NCAM2: variants seen among roughly 807,000 people sequenced by gnomAD.
The protein encoded by NCAM2 is neural cell adhesion molecule 2, also known as N-CAM-2.
Under a neutral mutation model 98.1 loss-of-function variants are expected in NCAM2, and 30 were observed. The ratio of observed to expected loss-of-function variants is 0.31; its 90% CI spans 0.23 to 0.41. The LOEUF (loss-of-function observed/expected upper bound fraction) is 0.41, where lower values mean the gene tolerates loss of function less well. Among genes scored for constraint, NCAM2 ranks in the 10% least tolerant of loss-of-function variants. The probability of loss-of-function intolerance (pLI) is 1.00; values close to 1 mark genes in which losing one functional copy is unlikely to be tolerated. For synonymous variants in NCAM2, 368 were observed against 342.4 expected, an observed-to-expected ratio of 1.07 and a Z score of -0.83; for missense variants, 867 against 1,005.8, an observed-to-expected ratio of 0.86 and a Z score of 1.87.
chr21:21,179,658 A>G (rs948963591), intron 1 of NCAM2, among the ~76,000 whole-genome samples: 1 of 152,210 alleles, frequency 6.6e-6, no homozygotes, highest in Admixed American at 6.5e-5. Flanking sequence ...AAATATATTT[A>G]CTTCCTTATA....
chr21:21,254,951 G>A (rs1601778287), intron 1 of NCAM2, among the ~76,000 whole-genome samples: 1 of 3,120 alleles, frequency 3.2e-4, no homozygotes, highest in Non-Finnish European at 4.7e-3. Context: ...GCATATCTAT[G>A]TGTGTGTGTG....
intron 2 of NCAM2, among the ~76,000 whole-genome samples, chr21:21,282,601 A>G (rs1178026177): frequency 6.6e-6 from 1 of 151,752 alleles, no homozygotes; most frequent in Non-Finnish European, 1.5e-5. Flanking sequence ...ATACTCCTCC[A>G]ACATTTCCAG....
At chr21:21,412,518 A>G (rs1159084174) in intron 10 of NCAM2, among the ~76,000 whole-genome samples, 1 of 152,032 alleles carries the variant, frequency 6.6e-6, no homozygotes, top group East Asian at 1.9e-4. Context: ...TCCTCAGCCA[A>G]CTCATAATTC....
At chr21:21,067,663 C>T (rs1025054826) in intron 1 of NCAM2, among the ~76,000 whole-genome samples, 1 of 152,090 alleles carries the variant, frequency 6.6e-6, no homozygotes, top group African/African-American at 2.4e-5. Context: ...AATCATTCTA[C>T]TTATATTAAT....
intron 5 of NCAM2, among the ~76,000 whole-genome samples, chr21:21,304,650 T>C (rs2073826084): frequency 6.6e-6 from 1 of 152,132 alleles, no homozygotes; most frequent in Admixed American, 6.5e-5. Flanking sequence ...ACATATGCAC[T>C]AACACACACA....
At chr21:21,278,644 T>G (rs988089451) in intron 1 of NCAM2, among the ~76,000 whole-genome samples, 1 of 152,132 alleles carries the variant, frequency 6.6e-6, no homozygotes, top group Non-Finnish European at 1.5e-5. Flanking sequence ...AAATTATGAA[T>G]AAAAATAGGA....
intron 6 of NCAM2, among the ~76,000 whole-genome samples, chr21:21,334,145 C>G (rs1342625129): frequency 6.6e-6 from 1 of 151,998 alleles, no homozygotes; most frequent in Middle Eastern, 3.2e-3. Flanking sequence ...GTTGGCCAGG[C>G]TGGTCTCAAA....
intron 1 of NCAM2, among the ~76,000 whole-genome samples, chr21:21,153,922 A>G (rs2067528302): frequency 6.6e-6 from 1 of 151,882 alleles, no homozygotes; most frequent in Admixed American, 6.6e-5. Context: ...TGGGAGAGAG[A>G]GAAGGGGCAT....
At chr21:21,384,519 A>G (rs917362773) in intron 9 of NCAM2, among the ~76,000 whole-genome samples, 1 of 151,910 alleles carries the variant, frequency 6.6e-6, no homozygotes, top group African/African-American at 2.4e-5. Flanking sequence ...GAAAATACCA[A>G]ATATATTGGA....
At chr21:21,307,609 T>C (rs746329043) in intron 5 of NCAM2, among the ~76,000 whole-genome samples, 221 of 152,168 alleles carry the variant, frequency 1.5e-3, no homozygotes, top group Non-Finnish European at 2.2e-3. Context: ...TCATTCAGGT[T>C]TTTGGCAGAA....
intron 1 of NCAM2, among the ~76,000 whole-genome samples, chr21:21,205,452 C>T (rs750940002): frequency 2.0e-5 from 3 of 151,982 alleles, no homozygotes; most frequent in Admixed American, 1.3e-4. Flanking sequence ...AGACCTGTTT[C>T]GTTGTGTACA....
intron 1 of NCAM2, among the ~76,000 whole-genome samples, chr21:21,011,144 A>G (rs1328291358): frequency 1.5e-5 from 2 of 134,598 alleles, no homozygotes; most frequent in Admixed American, 8.2e-5. Flanking sequence ...CCTGCCATTT[A>G]CTCTGCAGGG....
At chr21:21,053,326 C>T (rs1035371311) in intron 1 of NCAM2, among the ~76,000 whole-genome samples, 4 of 151,962 alleles carry the variant, frequency 2.6e-5, no homozygotes, top group Non-Finnish European at 5.9e-5. Context: ...ATTTTCATTG[C>T]ATCCATCTTC....
intron 1 of NCAM2, among the ~76,000 whole-genome samples, chr21:21,173,633 A>C (rs1218936434): frequency 6.6e-6 from 1 of 152,188 alleles, no homozygotes; most frequent in East Asian, 1.9e-4. Context: ...GAAATGCCAT[A>C]AAACCTCTTT....
In NCAM2 at chr21:21,403,443, G is replaced by A. The variant is rs181832478; in HGVS notation, c.1196-6831G>A. On this transcript the variant is annotated intron_variant, in intron 9 of 17. Coordinates refer to ENST00000400546, the MANE Select transcript of NCAM2 (RefSeq NM_004540.5). ...GGACAGTGGTTGCCCTCCCAGAGCT[G>A]CAGATGGAAAATCTTTAAGATTAAG... 5.3e-5 allele frequency among the ~76,000 whole-genome samples: 8 copies of A among 152,248 alleles called. No homozygotes were observed. The East Asian group carries it at 1.4e-3, about 26-fold the overall frequency.
At chr21:21,106,231 C>T (rs1050563750) in intron 1 of NCAM2, among the ~76,000 whole-genome samples, 3 of 148,416 alleles carry the variant, frequency 2.0e-5, no homozygotes, top group Non-Finnish European at 4.4e-5. Context: ...TCACCTGAGC[C>T]CAGGTGTTCC....
chr21:21,133,328 G>A (rs1397424905), intron 1 of NCAM2, among the ~76,000 whole-genome samples: 3 of 152,110 alleles, frequency 2.0e-5, no homozygotes, highest in African/African-American at 4.8e-5. Flanking sequence ...ACTAACACTC[G>A]GAAGTAGCAG....
At chr21:21,100,810 C>T (rs1044429259) in intron 1 of NCAM2, among the ~76,000 whole-genome samples, 4 of 151,972 alleles carry the variant, frequency 2.6e-5, no homozygotes, top group African/African-American at 9.7e-5. Context: ...AAGACCTGTA[C>T]GCATAGACAC....
chr21:21,463,481 A>G (rs1439509909), intron 12 of NCAM2, among the ~76,000 whole-genome samples: 2 of 152,118 alleles, frequency 1.3e-5, no homozygotes, highest in Non-Finnish European at 1.5e-5. Context: ...CCTCTTCCCT[A>G]TAATTTTAAA....
Sources: allele counts gnomAD v4.1 joint callset (sites outside exome capture counted in the v4.1 genomes callset), GRCh38; gene constraint gnomAD v4.1.1; transcripts MANE v1.5; gene names NCBI Gene and HGNC (gene_info 2026-07-23, HGNC 2026-07-21).